Variants in NRXN3 observed in about 807,000 individuals in gnomAD.
NRXN3 encodes neurexin 3.
NRXN3 carries 32 observed loss-of-function variants against 137.6 expected under a neutral mutation model. The ratio of observed to expected loss-of-function variants is 0.23; its 90% confidence interval spans 0.18 to 0.31. NRXN3 has a LOEUF of 0.31. Ranked by LOEUF, NRXN3 falls within the 10% of genes least tolerant of loss-of-function variation. The pLI, the probability that NRXN3 is intolerant of heterozygous loss-of-function variation, is 1.00. For missense variants in NRXN3, 1,574 were observed against 2,062.5 expected, an observed-to-expected ratio of 0.76 and a Z score of 4.59; for synonymous variants, 798 against 784.5, an observed-to-expected ratio of 1.02 and a Z score of -0.29.
chr14:79,566,311 A>G (rs1366211099), intron 16 of NRXN3, among the ~76,000 whole-genome samples: 1 of 152,066 alleles, frequency 6.6e-6, no homozygotes, highest in Non-Finnish European at 1.5e-5. Context: ...GAAGAAACTC[A>G]AGGACCATAG....
intron 15 of NRXN3, among the ~76,000 whole-genome samples, chr14:79,390,670 T>C (rs899029089): frequency 6.6e-6 from 1 of 152,182 alleles, no homozygotes; most frequent in African/African-American, 2.4e-5. Flanking sequence ...TCTGAGACAA[T>C]GGCAGCTTCT....
At chr14:79,000,442 G>A (rs1281218844) in intron 15 of NRXN3, among the ~76,000 whole-genome samples, 4 of 152,092 alleles carry the variant, frequency 2.6e-5, no homozygotes, top group African/African-American at 9.7e-5. Context: ...GTATCTACTT[G>A]GGCCACAGAT....
intron 8 of NRXN3, among the ~76,000 whole-genome samples, chr14:78,792,024 C>T (rs369837903): frequency 8.6e-5 from 13 of 151,078 alleles, no homozygotes; most frequent in Admixed American, 2.0e-4. Context: ...CATGGCAATA[C>T]AAATGCAAAG....
chr14:79,820,390 TC>T (rs1395353028), intron 20 of NRXN3, among the ~76,000 whole-genome samples: 2 of 152,152 alleles, frequency 1.3e-5, no homozygotes, highest in African/African-American at 4.8e-5. Context: ...AATAACGTGT[TC>T]TACCACCTGG....
chr14:79,393,671 CG>C (rs2094927099), intron 15 of NRXN3, among the ~76,000 whole-genome samples: 1 of 151,972 alleles, frequency 6.6e-6, no homozygotes, highest in African/African-American at 2.4e-5. Context: ...AAAAATTAAC[CG>C]GGCGTGGTGG....
Position 78,651,216 on chromosome 14 carries a change from G to A in NRXN3, c.1111G>A (p.Asp371Asn). 1 of 1,613,992 alleles carries A rather than the reference G, an allele frequency of 6.2e-7. No individual in the cohort carries two copies. Among genetic ancestry groups the A allele is most frequent in the Non-Finnish European group, 8.5e-7 (1 of 1,179,946 alleles). The change falls in exon 6 of 21, where the codon GAC (aspartate) becomes AAC (asparagine). Residue 371 changes from aspartate (D) to asparagine (N), a missense_variant. This residue lies in a region of NRXN3 where 400 missense variants were observed against 527.3 expected (regional missense o/e 0.76). Coordinates refer to ENST00000335750, the MANE Select transcript of NRXN3 (RefSeq NM_001330195.2). ...ILTTTGYTQEDYTMLGSDDFF... is the reference protein window; with the variant it reads ...ILTTTGYTQENYTMLGSDDFF... The stretch of plus-strand genomic sequence containing the variant: ...TACCACGACGGGCTACACTCAAGAG[G>A]ACTATACCATGCTGGGCTCGGACGA...
chr14:78,507,554 C>T, intron 4 of NRXN3, among the ~76,000 whole-genome samples: 1 of 152,180 alleles, frequency 6.6e-6, no homozygotes, highest in East Asian at 1.9e-4. Context: ...GATCATCCAC[C>T]TTTCTAAGGT....
At chr14:79,099,513 G>A (rs1318656319) in intron 15 of NRXN3, among the ~76,000 whole-genome samples, 1 of 152,102 alleles carries the variant, frequency 6.6e-6, no homozygotes, top group Non-Finnish European at 1.5e-5. Flanking sequence ...TTATATAAGG[G>A]AGTATATTTT....
At chr14:79,225,575 G>A (rs922575433) in intron 15 of NRXN3, among the ~76,000 whole-genome samples, 1 of 152,076 alleles carries the variant, frequency 6.6e-6, no homozygotes, top group Non-Finnish European at 1.5e-5. Context: ...GACTTTTGCA[G>A]GTGAGAAGTC....
At chr14:78,749,467 T>G (rs725693) in intron 8 of NRXN3, among the ~76,000 whole-genome samples, 71,718 of 152,000 alleles carry the variant, frequency 0.47, 18,838 homozygotes, top group African/African-American at 0.7. Flanking sequence ...CGAGTCCTGC[T>G]GCTGATTGCT....
chr14:79,797,913 C>CA (rs1304215379), intron 19 of NRXN3, among the ~76,000 whole-genome samples: 1 of 151,924 alleles, frequency 6.6e-6, no homozygotes, highest in Non-Finnish European at 1.5e-5. Context: ...GGCAACATGG[C>CA]AAAACCCTGT....
chr14:79,803,925 ATG>A (rs1568306832), intron 19 of NRXN3, among the ~76,000 whole-genome samples: 2 of 117,580 alleles, frequency 1.7e-5, no homozygotes, highest in East Asian at 2.5e-4. Context: ...ATATATATAT[ATG>A]TGTGTGTATA....
At chr14:78,185,320 A>T (rs2060145190) in intron 1 of NRXN3, among the ~76,000 whole-genome samples, 1 of 152,198 alleles carries the variant, frequency 6.6e-6, no homozygotes, top group South Asian at 2.1e-4. Context: ...AAGGAGGTGG[A>T]ATTTAAAGAA....
At chr14:78,484,432 GT>G (rs2095529005) in intron 4 of NRXN3, among the ~76,000 whole-genome samples, 1 of 152,180 alleles carries the variant, frequency 6.6e-6, no homozygotes, top group African/African-American at 2.4e-5. Flanking sequence ...GAGTCAGGAA[GT>G]ATGAATTGTG....
At chr14:79,301,109 A>G (rs1222448334) in intron 15 of NRXN3, among the ~76,000 whole-genome samples, 7 of 152,062 alleles carry the variant, frequency 4.6e-5, no homozygotes, top group East Asian at 1.9e-4. Flanking sequence ...TATTTCTCCT[A>G]TATAACGTTT....
At chr14:78,412,750 A>G (rs1009202385) in intron 4 of NRXN3, among the ~76,000 whole-genome samples, 2 of 152,168 alleles carry the variant, frequency 1.3e-5, no homozygotes, top group African/African-American at 4.8e-5. Flanking sequence ...GGTATGATCA[A>G]CTAACATTAA....
At chr14:79,240,200 G>A (rs1375838418) in intron 15 of NRXN3, among the ~76,000 whole-genome samples, 1 of 151,996 alleles carries the variant, frequency 6.6e-6, no homozygotes, top group East Asian at 1.9e-4. Flanking sequence ...TAATCTCTAA[G>A]TCTTCTTTTT....
At chr14:78,514,257 TA>T (rs1459697189) in intron 4 of NRXN3, among the ~76,000 whole-genome samples, 6 of 152,096 alleles carry the variant, frequency 3.9e-5, no homozygotes, top group African/African-American at 1.2e-4. Context: ...AATGATAAAT[TA>T]TTGCCATAGG....
chr14:79,330,491 G>A (rs780795011), intron 15 of NRXN3, among the ~76,000 whole-genome samples: 3 of 152,090 alleles, frequency 2.0e-5, no homozygotes, highest in Non-Finnish European at 2.9e-5. Context: ...GAAATGGCTG[G>A]TGGGCTGCTG....
Sources: allele counts gnomAD v4.1 joint callset (sites outside exome capture counted in the v4.1 genomes callset), GRCh38; gene constraint gnomAD v4.1.1; regional missense constraint gnomAD v4.1.1; transcripts MANE v1.5; gene names NCBI Gene and HGNC (gene_info 2026-07-23, HGNC 2026-07-21).